Variants in DTNA observed in about 807,000 individuals in gnomAD.
DTNA encodes the protein dystrophin-related protein 3.
Under a neutral mutation model 100.7 loss-of-function variants are expected in DTNA, and 43 were observed. The observed-to-expected ratio is 0.43, with a 90% CI of 0.33 to 0.55. DTNA has a LOEUF of 0.55. Ranked by LOEUF, DTNA falls within the 20% of genes least tolerant of loss-of-function variation. The pLI is 0.04. For missense variants in DTNA, 798 were observed against 953.9 expected (o/e 0.84, Z 2.15); for synonymous variants, 349 against 347.9 (o/e 1.00, Z -0.04).
At position 34,728,014 on chromosome 18, in the gene DTNA, G is replaced by A. The variant is rs1321750912; in HGVS notation, c.-2+17569G>A. 3.3e-5 allele frequency among the ~76,000 whole-genome samples: 5 copies of A among 152,110 alleles called. No individual in the cohort carries two copies. The East Asian group carries it at 7.7e-4, about 23-fold the overall frequency. On this transcript the variant is annotated intron_variant, in intron 1 of 22. Coordinates refer to ENST00000444659, the MANE Select transcript of DTNA (RefSeq NM_001386795.1). ...AGGTATCCTTAATGACTGTCCATGGGTAATAGATTAATTTTCCTATCTTTA... is the reference window on the plus strand; with the variant it reads ...AGGTATCCTTAATGACTGTCCATGGATAATAGATTAATTTTCCTATCTTTA...
chr18:34,874,701 A>G (rs1389505599), intron 17 of DTNA, among the ~76,000 whole-genome samples: 1 of 152,170 alleles, frequency 6.6e-6, no homozygotes, highest in Non-Finnish European at 1.5e-5. Flanking sequence ...AGCTTTTACT[A>G]TAAAATAGGG....
At chr18:34,747,780 T>A (rs1215440392) in intron 1 of DTNA, among the ~76,000 whole-genome samples, 1 of 152,178 alleles carries the variant, frequency 6.6e-6, no homozygotes, top group Non-Finnish European at 1.5e-5. Flanking sequence ...TCTTTGCAAT[T>A]GCAAATTGTG....
At chr18:34,515,077 C>A (rs991702958) in intron 1 of DTNA, among the ~76,000 whole-genome samples, 1 of 151,994 alleles carries the variant, frequency 6.6e-6, no homozygotes, top group Non-Finnish European at 1.5e-5. Context: ...TTGCTTGATG[C>A]CTTTTAAAAT....
chr18:34,669,799 G>A (rs1415911241), intron 1 of DTNA, among the ~76,000 whole-genome samples: 1 of 152,332 alleles, frequency 6.6e-6, no homozygotes, highest in East Asian at 1.9e-4. Context: ...GAGATCCGCT[G>A]TTAGTCTGAT....
intron 1 of DTNA, among the ~76,000 whole-genome samples, chr18:34,753,334 G>GTGATTGAT (rs1338325787): frequency 2.5e-5 from 1 of 40,254 alleles, no homozygotes; most frequent in Non-Finnish European, 4.7e-5. Flanking sequence ...ACCATCCTTT[G>GTGATTGAT]TGATTTATTT....
intron 3 of DTNA, among the ~76,000 whole-genome samples, chr18:34,773,083 A>T (rs1030879395): frequency 6.6e-6 from 1 of 152,048 alleles, no homozygotes; most frequent in Non-Finnish European, 1.5e-5. Flanking sequence ...GTCCTCTCTG[A>T]CTTCCCCATT....
chr18:34,613,498 A>G (rs1568020846), intron 1 of DTNA, among the ~76,000 whole-genome samples: 1 of 152,234 alleles, frequency 6.6e-6, no homozygotes, highest in African/African-American at 2.4e-5. Context: ...TGTAAATGCA[A>G]AGTAAAAGGG....
chr18:34,779,403 C>T (rs1001942694), intron 3 of DTNA, among the ~76,000 whole-genome samples: 1 of 152,146 alleles, frequency 6.6e-6, no homozygotes, highest in African/African-American at 2.4e-5. Flanking sequence ...CTTCAAGCTC[C>T]TTGTAAATGA....
chr18:34,705,618 TTA>T (rs1193182938), upstream of DTNA, among the ~76,000 whole-genome samples: 6 of 152,210 alleles, frequency 3.9e-5, no homozygotes, highest in Non-Finnish European at 1.5e-5. Context: ...TAATACTAAA[TTA>T]TGAGTATTGA....
chr18:34,668,917 A>T (rs944276766), intron 1 of DTNA, among the ~76,000 whole-genome samples: 2 of 152,156 alleles, frequency 1.3e-5, no homozygotes, highest in African/African-American at 4.8e-5. Context: ...TTTGGGGTGG[A>T]GAGTTCTGTA....
At chr18:34,506,690 A>G (rs1439966918) in intron 1 of DTNA, among the ~76,000 whole-genome samples, 21 of 152,160 alleles carry the variant, frequency 1.4e-4, no homozygotes, top group Admixed American at 1.3e-3. Context: ...CAGTTTCTTT[A>G]GCCCCAAGAA....
intron 1 of DTNA, among the ~76,000 whole-genome samples, chr18:34,520,564 G>T (rs1327422225): frequency 6.6e-6 from 1 of 152,128 alleles, no homozygotes; most frequent in Non-Finnish European, 1.5e-5. Flanking sequence ...TGAGACAGAA[G>T]AGTTGCTTGA....
At chr18:34,587,668 C>G (rs2049278562) in intron 1 of DTNA, among the ~76,000 whole-genome samples, 1 of 152,014 alleles carries the variant, frequency 6.6e-6, no homozygotes, top group African/African-American at 2.4e-5. Flanking sequence ...GGTGGTGGAC[C>G]TCTCCCAGGT....
chr18:34,573,569 A>T (rs1001114763), intron 1 of DTNA, among the ~76,000 whole-genome samples: 1 of 152,160 alleles, frequency 6.6e-6, no homozygotes, highest in Non-Finnish European at 1.5e-5. Context: ...GCTCTTTTTT[A>T]TTCTTCTAAT....
intron 12 of DTNA, 69 bp from the exon 13 acceptor site, chr18:34,838,676 C>T: frequency 7.3e-7 from 1 of 1,374,922 alleles, no homozygotes; most frequent in Non-Finnish European, 1.0e-6. Flanking sequence ...AAACTCACTC[C>T]TACCTCCTCT....
rs1786606 is a variant in DTNA at position 34,852,153 on chromosome 18, A to G, written c.1532+225A>G. On this transcript the variant is annotated intron_variant, in intron 15 of 22. Coordinates refer to ENST00000444659, the MANE Select transcript of DTNA (RefSeq NM_001386795.1). Reference sequence around the variant, plus strand: ...GCATGTATGTGTATAGTTCTGAGATATCAATGCAATTAATGTTGCCCCTCT... The same window carrying G: ...GCATGTATGTGTATAGTTCTGAGATGTCAATGCAATTAATGTTGCCCCTCT... Among the ~76,000 whole-genome samples the G allele has an allele frequency of 0.17, 26,513 of 152,108 alleles. 3,148 individuals are homozygous for G. Among genetic ancestry groups the G allele is most frequent in the African/African-American group, 0.34 (14,253 of 41,446 alleles).
chr18:34,799,040 T>G (rs748168461), intron 4 of DTNA, among the ~76,000 whole-genome samples: 9 of 152,256 alleles, frequency 5.9e-5, no homozygotes, highest in Non-Finnish European at 1.5e-5. Flanking sequence ...ATTATTCTGA[T>G]GCTTACATTC....
At chr18:34,836,831 A>AT (rs2149694766) in intron 11 of DTNA, among the ~76,000 whole-genome samples, 1 of 152,288 alleles carries the variant, frequency 6.6e-6, no homozygotes, top group African/African-American at 2.4e-5. Context: ...TATTAAATTT[A>AT]TCAGATACCT....
At chr18:34,582,374 C>T (rs1019381282) in intron 1 of DTNA, among the ~76,000 whole-genome samples, 19 of 152,194 alleles carry the variant, frequency 1.2e-4, no homozygotes, top group African/African-American at 2.9e-4. Context: ...GAGCGGGAAA[C>T]TCCAGAGTCT....
Sources: gnomAD v4.1 joint callset for allele counts (sites outside exome capture counted in the v4.1 genomes callset) on GRCh38, gnomAD v4.1.1 for gene constraint, MANE v1.5 for transcripts, NCBI Gene and HGNC (gene_info 2026-07-23, HGNC 2026-07-21) for gene names.